C12orf54: variants seen among roughly 807,000 people sequenced by gnomAD.
C12orf54 encodes the protein chromosome 12 open reading frame 54.
C12orf54 carries 24 observed loss-of-function variants against 26.4 expected under a neutral mutation model. The ratio of observed to expected loss-of-function variants is 0.91; its 90% confidence interval spans 0.66 to 1.28. C12orf54 has a LOEUF of 1.28. C12orf54 is among the 50% of genes most tolerant of loss of function. The pLI, the probability that C12orf54 is intolerant of heterozygous loss-of-function variation, is 0.00. For missense variants in C12orf54, 154 were observed against 150.9 expected, an observed-to-expected ratio of 1.02 and a Z score of -0.11; for synonymous variants, 54 against 47.0, an observed-to-expected ratio of 1.15 and a Z score of -0.61.
chr12:48,474,954 G>A, the C12orf54 span, among the ~76,000 whole-genome samples: 1 of 152,222 alleles, frequency 6.6e-6, no homozygotes, highest in South Asian at 2.1e-4. Context: ...GCCTCCTCAA[G>A]TGGGCCCCTG....
intron 5 of C12orf54, 31 bp from the exon 6 acceptor site, chr12:48,490,781 C>T (rs372913587): frequency 1.5e-4 from 243 of 1,612,874 alleles, no homozygotes; most frequent in Admixed American, 2.7e-4. Flanking sequence ...CAGCCCCCAT[C>T]ATCTCTGACT....
At chr12:48,474,697 G>A in the C12orf54 span, among the ~76,000 whole-genome samples, 1 of 152,252 alleles carries the variant, frequency 6.6e-6, no homozygotes, top group Admixed American at 6.5e-5. Flanking sequence ...TGCGGGAGGG[G>A]CGCCCGCCAT....
chr12:48,421,632 C>T, the C12orf54 span, among the ~76,000 whole-genome samples: 4 of 146,494 alleles, frequency 2.7e-5, no homozygotes, highest in East Asian at 2.1e-4. Context: ...CCAGTTCAAG[C>T]GATTATCCTG....
intron 2 of C12orf54, among the ~76,000 whole-genome samples, chr12:48,484,504 G>C (rs1407431534): frequency 6.6e-6 from 1 of 152,180 alleles, no homozygotes; most frequent in Non-Finnish European, 1.5e-5. Flanking sequence ...GGTGGTAAAA[G>C]TGGACAGGAC....
At chr12:48,472,676 C>A in the C12orf54 span, 1 of 1,614,044 alleles carries the variant, frequency 6.2e-7, no homozygotes, top group Non-Finnish European at 8.5e-7. Context: ...TGGAGATGGG[C>A]AAATGGATTC....
upstream of C12orf54, among the ~76,000 whole-genome samples, chr12:48,480,275 T>C (rs1046910097): frequency 2.0e-5 from 3 of 152,236 alleles, no homozygotes; most frequent in African/African-American, 7.2e-5. Context: ...GAAGTGTCTG[T>C]TCATGTCCTT....
the C12orf54 span, among the ~76,000 whole-genome samples, chr12:48,476,301 G>T: frequency 6.6e-6 from 1 of 152,202 alleles, no homozygotes; most frequent in Non-Finnish European, 1.5e-5. Flanking sequence ...ATGCCAAATT[G>T]TAAAGACCAT....
chr12:48,434,086 G>A, the C12orf54 span, among the ~76,000 whole-genome samples: 1 of 152,200 alleles, frequency 6.6e-6, no homozygotes, highest in Non-Finnish European at 1.5e-5. Context: ...TTTCCAATGG[G>A]CTTAACAAAC....
chr12:48,415,979 C>T, the C12orf54 span, among the ~76,000 whole-genome samples: 16 of 152,284 alleles, frequency 1.1e-4, no homozygotes, highest in African/African-American at 3.8e-4. Flanking sequence ...CTCAGTTGCC[C>T]AAGAGAAAAT....
chr12:48,457,358 G>A, the C12orf54 span, among the ~76,000 whole-genome samples: 1 of 151,836 alleles, frequency 6.6e-6, no homozygotes, highest in Non-Finnish European at 1.5e-5. Context: ...TTTTGAGATG[G>A]AGTTTCACTC....
At chr12:48,462,518 A>C in the C12orf54 span, among the ~76,000 whole-genome samples, 18 of 151,662 alleles carry the variant, frequency 1.2e-4, no homozygotes. Flanking sequence ...ATTTCATGAT[A>C]TATAAAGAAG....
chr12:48,454,791 C>G, the C12orf54 span, among the ~76,000 whole-genome samples: 1 of 152,074 alleles, frequency 6.6e-6, no homozygotes, highest in East Asian at 1.9e-4. Flanking sequence ...ATGAAATATG[C>G]AAAGCTTAAG....
At chr12:48,419,355 T>C in the C12orf54 span, among the ~76,000 whole-genome samples, 1 of 152,178 alleles carries the variant, frequency 6.6e-6, no homozygotes, top group Non-Finnish European at 1.5e-5. Flanking sequence ...ATTTTTCCAG[T>C]CATAAAATGG....
chr12:48,489,264 C>A (rs867113522), intron 5 of C12orf54: 1 of 543,958 alleles, frequency 1.8e-6, no homozygotes, highest in South Asian at 1.6e-5. Context: ...TGGGGAGAAT[C>A]CCCTAGTGAT....
chr12:48,422,560 T>C, the C12orf54 span, among the ~76,000 whole-genome samples: 2 of 152,202 alleles, frequency 1.3e-5, no homozygotes, highest in Non-Finnish European at 2.9e-5. Context: ...TGACCTTTTT[T>C]TCTGTACTAG....
the C12orf54 span, among the ~76,000 whole-genome samples, chr12:48,455,563 G>T: frequency 6.6e-6 from 1 of 152,172 alleles, no homozygotes; most frequent in Non-Finnish European, 1.5e-5. Context: ...ACCATATTCA[G>T]CCAAGTTTTT....
upstream of C12orf54, among the ~76,000 whole-genome samples, chr12:48,479,973 T>G (rs1335359303): frequency 2.0e-5 from 3 of 152,122 alleles, no homozygotes; most frequent in African/African-American, 7.2e-5. Context: ...AAGCTTCATT[T>G]TTGTTACCTG....
the C12orf54 span, among the ~76,000 whole-genome samples, chr12:48,475,449 G>A: frequency 6.6e-6 from 1 of 151,294 alleles, no homozygotes; most frequent in Non-Finnish European, 1.5e-5. Context: ...ACTACTCTGA[G>A]CTACAGGAGG....
chr12:48,418,702 TAAAGG>T, the C12orf54 span, among the ~76,000 whole-genome samples: 1 of 152,164 alleles, frequency 6.6e-6, no homozygotes, highest in Non-Finnish European at 1.5e-5. Flanking sequence ...GTGGTGTATG[TAAAGG>T]AAACAGGGAC....
Sources: gnomAD v4.1 joint callset for allele counts (sites outside exome capture counted in the v4.1 genomes callset) on GRCh38, gnomAD v4.1.1 for gene constraint, MANE v1.5 for transcripts, NCBI Gene and HGNC (gene_info 2026-07-23, HGNC 2026-07-21) for gene names.